Variants in PCDH15 observed in about 807,000 individuals in gnomAD.
PCDH15 encodes protocadherin-15.
In PCDH15, 129 loss-of-function variants were observed where a neutral mutation model predicts 178.5. That is an observed-to-expected ratio of 0.72 (90% CI 0.63 to 0.84). The LOEUF (loss-of-function observed/expected upper bound fraction) is 0.84, where lower values mean the gene tolerates loss of function less well. PCDH15 is among the 40% of genes least tolerant of loss of function. The pLI is 0.00. For missense variants in PCDH15, 2,230 were observed against 2,099.9 expected (o/e 1.06, Z -1.21); for synonymous variants, 800 against 732.0 (o/e 1.09, Z -1.50).
Position 54,473,640 on chromosome 10 carries a change from G to T in PCDH15, c.157+54172C>A, listed in dbSNP as rs552220159. 2.0e-5 allele frequency among the ~76,000 whole-genome samples: 3 copies of T among 151,978 alleles called. No homozygotes were observed. In the South Asian group the frequency reaches 6.2e-4, roughly 32 times the overall value. ...ATATTAAAATACCATGCTGTCTTCA[G>T]TTTATTATGAGTTCAATTTTCAAGA... On this transcript the variant is annotated intron_variant, in intron 3 of 37. Transcript: ENST00000644397.
intron 3 of PCDH15, among the ~76,000 whole-genome samples, chr10:54,824,980 C>T (rs765229302): frequency 1.3e-5 from 2 of 151,848 alleles, no homozygotes; most frequent in African/African-American, 2.4e-5. Flanking sequence ...CCATTAACTC[C>T]TCATTTAGCA....
chr10:54,179,159 G>A (rs1364015231), intron 13 of PCDH15, among the ~76,000 whole-genome samples: 1 of 151,974 alleles, frequency 6.6e-6, no homozygotes, highest in Admixed American at 6.6e-5. Flanking sequence ...CAAAGACTTG[G>A]AACCAACCCA....
intron 23 of PCDH15, among the ~76,000 whole-genome samples, chr10:53,952,000 G>A (rs1242498264): frequency 1.3e-5 from 2 of 152,194 alleles, no homozygotes; most frequent in Admixed American, 1.3e-4. Flanking sequence ...TCCACTGAAG[G>A]CACCCATGTC....
At chr10:53,854,925 A>C (rs551037507) in intron 28 of PCDH15, among the ~76,000 whole-genome samples, 3 of 152,194 alleles carry the variant, frequency 2.0e-5, no homozygotes, top group Non-Finnish European at 2.9e-5. Context: ...CGATTCTCTC[A>C]AGACCTGAAA....
intron 15 of PCDH15, among the ~76,000 whole-genome samples, chr10:54,127,550 T>C (rs1350809633): frequency 6.6e-6 from 1 of 152,210 alleles, no homozygotes; most frequent in Non-Finnish European, 1.5e-5. Flanking sequence ...ACATATAATG[T>C]AGGAAAATAT....
intron 1 of PCDH15, among the ~76,000 whole-genome samples, chr10:55,289,720 TC>T (rs1477246348): frequency 6.6e-6 from 1 of 152,026 alleles, no homozygotes; most frequent in East Asian, 1.9e-4. Context: ...TTTGAATGTA[TC>T]CCCCAACAGT....
intron 3 of PCDH15, among the ~76,000 whole-genome samples, chr10:54,855,488 A>G (rs916047441): frequency 6.6e-6 from 1 of 152,196 alleles, no homozygotes; most frequent in Admixed American, 6.5e-5. Flanking sequence ...GTATGATTTC[A>G]TAGCATCCTG....
chr10:55,290,508 G>C (rs1374952418), intron 1 of PCDH15, among the ~76,000 whole-genome samples: 1 of 151,850 alleles, frequency 6.6e-6, no homozygotes, highest in Non-Finnish European at 1.5e-5. Flanking sequence ...GCTTTTATTG[G>C]GTAATTTTAA....
At chr10:55,367,458 G>A (rs895437928) in intron 2 of PCDH15, among the ~76,000 whole-genome samples, 9 of 152,108 alleles carry the variant, frequency 5.9e-5, no homozygotes, top group African/African-American at 2.2e-4. Context: ...CTGCGTGCCT[G>A]GAGTCCCTGC....
intron 2 of PCDH15, among the ~76,000 whole-genome samples, chr10:55,565,083 G>A (rs1250176949): frequency 3.3e-5 from 5 of 151,666 alleles, no homozygotes; most frequent in African/African-American, 9.7e-5. Flanking sequence ...ATGTTTTCCA[G>A]GACGGATTAT....
chr10:53,903,845 G>A (rs1406200809), intron 25 of PCDH15, among the ~76,000 whole-genome samples: 1 of 152,114 alleles, frequency 6.6e-6, no homozygotes, highest in Non-Finnish European at 1.5e-5. Flanking sequence ...TAACTTTTAT[G>A]TTTTAAGACT....
chr10:54,315,148 C>A (rs372835444), intron 8 of PCDH15, among the ~76,000 whole-genome samples: 1 of 152,160 alleles, frequency 6.6e-6, no homozygotes, highest in Non-Finnish European at 1.5e-5. Context: ...TTTATACTCC[C>A]ACCAACAGTG....
intron 4 of PCDH15, among the ~76,000 whole-genome samples, chr10:54,374,353 C>T (rs1325795054): frequency 6.6e-6 from 1 of 152,030 alleles, no homozygotes; most frequent in East Asian, 1.9e-4. Flanking sequence ...TTGTTATGAA[C>T]ATAATTTCTC....
intron 2 of PCDH15, among the ~76,000 whole-genome samples, chr10:55,004,008 C>A (rs1839862914): frequency 6.6e-6 from 1 of 152,102 alleles, no homozygotes; most frequent in African/African-American, 2.4e-5. Flanking sequence ...GTGAGAGGTT[C>A]CAATGAAGCT....
intron 1 of PCDH15, among the ~76,000 whole-genome samples, chr10:54,792,856 G>T (rs1951552226): frequency 6.6e-6 from 1 of 151,734 alleles, no homozygotes; most frequent in South Asian, 2.1e-4. Context: ...ATATAGCCAG[G>T]TTGAGCACTG....
intron 2 of PCDH15, among the ~76,000 whole-genome samples, chr10:54,922,221 A>G (rs749211593): frequency 3.9e-5 from 6 of 152,098 alleles, no homozygotes; most frequent in Admixed American, 3.9e-4. Context: ...TCATTACAGC[A>G]TTAAGTCAAA....
intron 28 of PCDH15, among the ~76,000 whole-genome samples, chr10:53,852,345 TAC>T (rs2078441242): frequency 6.6e-6 from 1 of 152,138 alleles, no homozygotes; most frequent in Non-Finnish European, 1.5e-5. Flanking sequence ...CAACTTAAAA[TAC>T]GTCAGAGCAC....
At chr10:54,980,218 A>G (rs1002325873) in intron 2 of PCDH15, among the ~76,000 whole-genome samples, 1 of 152,216 alleles carries the variant, frequency 6.6e-6, no homozygotes, top group African/African-American at 2.4e-5. Flanking sequence ...AATTAATACC[A>G]GCAAACAATC....
At chr10:55,595,234 T>A (rs1842915624) in intron 2 of PCDH15, among the ~76,000 whole-genome samples, 2 of 152,014 alleles carry the variant, frequency 1.3e-5, no homozygotes, top group South Asian at 4.1e-4. Context: ...CTCTTCTTTT[T>A]AATTATCTCA....
Sources: gnomAD v4.1 joint callset for allele counts (sites outside exome capture counted in the v4.1 genomes callset) on GRCh38, gnomAD v4.1.1 for gene constraint, MANE v1.5 for transcripts, NCBI Gene and HGNC (gene_info 2026-07-23, HGNC 2026-07-21) for gene names.